Variants in RAD51B observed in about 807,000 individuals in gnomAD.
RAD51B encodes the protein RAD51 paralog B, also known as DNA repair protein RAD51 homolog 2.
RAD51B carries 38 observed loss-of-function variants against 42.2 expected under a neutral mutation model. That is an observed-to-expected ratio of 0.90 (90% confidence interval 0.70 to 1.18). The LOEUF (loss-of-function observed/expected upper bound fraction) is 1.18. Ranked by LOEUF, RAD51B falls within the 50% of genes most tolerant of loss-of-function variation. The probability of loss-of-function intolerance (pLI) is 0.00; values close to 1 mark genes in which losing one functional copy is unlikely to be tolerated. For missense variants in RAD51B, 373 were observed against 400.7 expected, an observed-to-expected ratio of 0.93 and a Z score of 0.59; for synonymous variants, 154 against 145.2, an observed-to-expected ratio of 1.06 and a Z score of -0.43.
chr14:68,625,309 CT>C (rs1055347833), intron 10 of RAD51B, among the ~76,000 whole-genome samples: 3 of 152,154 alleles, frequency 2.0e-5, no homozygotes, highest in African/African-American at 2.4e-5. Flanking sequence ...GGGACTCTGT[CT>C]CCCTTGAACT....
intron 10 of RAD51B, among the ~76,000 whole-genome samples, chr14:68,636,592 A>G (rs1165254701): frequency 6.6e-6 from 1 of 151,982 alleles, no homozygotes; most frequent in Non-Finnish European, 1.5e-5. Context: ...CAAAAAAAAA[A>G]AAAAAAAAAA....
chr14:68,501,176 G>A (rs1884892420), intron 10 of RAD51B, among the ~76,000 whole-genome samples: 1 of 152,192 alleles, frequency 6.6e-6, no homozygotes, highest in South Asian at 2.1e-4. Context: ...TTCCTCCCAT[G>A]CAGACCTCAG....
At chr14:68,148,985 A>G (rs2078315466) in intron 7 of RAD51B, among the ~76,000 whole-genome samples, 1 of 152,230 alleles carries the variant, frequency 6.6e-6, no homozygotes. Context: ...GAGGATCTGC[A>G]GGTGTGTAGT....
intron 10 of RAD51B, among the ~76,000 whole-genome samples, chr14:68,586,759 C>G (rs1595001529): frequency 6.6e-6 from 1 of 152,304 alleles, no homozygotes; most frequent in East Asian, 1.9e-4. Context: ...AATCCCAGCA[C>G]TTTGGGAGGC....
intron 7 of RAD51B, among the ~76,000 whole-genome samples, chr14:68,185,905 C>G (rs1164899483): frequency 1.3e-5 from 2 of 152,080 alleles, no homozygotes; most frequent in Non-Finnish European, 2.9e-5. Flanking sequence ...CTGGGGGTAC[C>G]CCTGCACAAA....
intron 7 of RAD51B, among the ~76,000 whole-genome samples, chr14:67,916,925 A>G (rs1418932375): frequency 6.6e-6 from 1 of 152,250 alleles, no homozygotes; most frequent in Non-Finnish European, 1.5e-5. Flanking sequence ...ATTGTATGTT[A>G]AAAATAATAA....
At chr14:68,529,321 C>T (rs1212175377) in intron 10 of RAD51B, among the ~76,000 whole-genome samples, 1 of 152,218 alleles carries the variant, frequency 6.6e-6, no homozygotes, top group African/African-American at 2.4e-5. Context: ...ATCAGCCTCC[C>T]CAGCAGCTGG....
At chr14:68,060,141 A>G (rs2076545057) in intron 7 of RAD51B, among the ~76,000 whole-genome samples, 1 of 152,200 alleles carries the variant, frequency 6.6e-6, no homozygotes, top group Admixed American at 6.5e-5. Context: ...TGTCTTTAAA[A>G]TGAGGTGACT....
At chr14:68,645,169 G>T (rs1048418468) in intron 10 of RAD51B, among the ~76,000 whole-genome samples, 1 of 152,096 alleles carries the variant, frequency 6.6e-6, no homozygotes, top group Admixed American at 6.5e-5. Context: ...CCTCTCCCAA[G>T]CCCCTGGCAA....
At chr14:68,600,038 T>C (rs752124388), downstream of RAD51B, among the ~76,000 whole-genome samples, 2 of 152,178 alleles carry the variant, frequency 1.3e-5, no homozygotes, top group Non-Finnish European at 2.9e-5. Flanking sequence ...GGAAGTGTGA[T>C]TGTGGTCATC....
intron 10 of RAD51B, among the ~76,000 whole-genome samples, chr14:68,515,778 C>CTTTTT (rs546071661): frequency 4.4e-4 from 50 of 113,366 alleles, no homozygotes; most frequent in East Asian, 9.9e-4. Context: ...CTTTTCTTTT[C>CTTTTT]TTTTTTTTTT....
Position 68,388,238 on chromosome 14 carries a change from C to T in RAD51B, c.854-23186C>T, listed in dbSNP as rs115460467. Among the ~76,000 whole-genome samples the T allele has an allele frequency of 5.6e-3, 852 of 151,948 alleles. 10 individuals are homozygous for T. Among genetic ancestry groups the T allele is most frequent in the African/African-American group, 0.019 (787 of 41,422 alleles). On this transcript the variant is annotated intron_variant, in intron 8 of 10. Coordinates refer to ENST00000471583, the MANE Select transcript of RAD51B (RefSeq NM_133510.4). ...CCTCCCGAGTAGGTGAGCTTGCAGG[C>T]GTGCATCATCATGCCCAGCTAATTT...
chr14:68,105,894 T>G (rs2077370023), intron 7 of RAD51B, among the ~76,000 whole-genome samples: 2 of 151,952 alleles, frequency 1.3e-5, no homozygotes, highest in South Asian at 4.1e-4. Context: ...TCATCTTCCT[T>G]TGATTTGCAA....
intron 7 of RAD51B, among the ~76,000 whole-genome samples, chr14:68,255,945 C>G (rs990630930): frequency 6.6e-6 from 1 of 152,144 alleles, no homozygotes; most frequent in Admixed American, 6.5e-5. Context: ...CACCAGTCAC[C>G]TTGGAAAAAT....
At chr14:68,299,593 C>T (rs2081681938) in intron 8 of RAD51B, among the ~76,000 whole-genome samples, 1 of 152,012 alleles carries the variant, frequency 6.6e-6, no homozygotes, top group Non-Finnish European at 1.5e-5. Context: ...TGCAGCGGGC[C>T]CTGGAATTAT....
Position 68,609,983 on chromosome 14 carries a change from C to T in RAD51B, c.1037-1023C>T, listed in dbSNP as rs118077675. 5.3e-3 allele frequency among the ~76,000 whole-genome samples: 812 copies of T among 152,112 alleles called. 4 individuals carry two copies. Among genetic ancestry groups the T allele is most frequent in the South Asian group, 0.037 (177 of 4,814 alleles). ...GGCCGGGCCTCCTCTCCCAGCACAT[C>T]GCTTCTGTCTCTCTCCTCCGCGTCC... is the stretch of plus-strand genomic sequence containing the variant. On this transcript the variant is annotated intron_variant, in intron 10 of 10. Transcript: ENST00000487861.
chr14:68,198,838 A>G (rs1300939398), intron 7 of RAD51B, among the ~76,000 whole-genome samples: 1 of 152,206 alleles, frequency 6.6e-6, no homozygotes, highest in African/African-American at 2.4e-5. Flanking sequence ...ATCCCTGGCA[A>G]ATGTTCATTA....
At chr14:68,484,073 TG>T (rs1883412045) in intron 10 of RAD51B, among the ~76,000 whole-genome samples, 1 of 152,222 alleles carries the variant, frequency 6.6e-6, no homozygotes, top group Non-Finnish European at 1.5e-5. Context: ...ACCAGTATTT[TG>T]TAGATGCCAA....
rs983546756 is a variant in RAD51B at position 68,553,970 on chromosome 14, G to A, written c.1037-40515G>A. 5.3e-5 allele frequency among the ~76,000 whole-genome samples: 8 copies of A among 152,116 alleles called. No homozygotes were observed. In the South Asian group the frequency reaches 1.0e-3, roughly 20 times the overall value. ...GACATAGACCCTGAGTTACTTTTAG[G>A]GTATAATAATAACAACAATGAAAAC... On this transcript the variant is annotated intron_variant, in intron 10 of 10. Transcript: ENST00000487270.
Sources: gnomAD v4.1 joint callset for allele counts (sites outside exome capture counted in the v4.1 genomes callset) on GRCh38, gnomAD v4.1.1 for gene constraint, MANE v1.5 for transcripts, NCBI Gene and HGNC (gene_info 2026-07-23, HGNC 2026-07-21) for gene names.